Variants in PCBP3 observed in about 807,000 individuals in gnomAD.
PCBP3 encodes poly(rC)-binding protein 3.
Under a neutral mutation model 52.7 loss-of-function variants are expected in PCBP3, and 25 were observed. The ratio of observed to expected loss-of-function variants is 0.47; its 90% CI spans 0.35 to 0.66. The LOEUF is 0.66. PCBP3 is among the 30% of genes least tolerant of loss of function. The pLI is 0.01. For synonymous variants in PCBP3, 162 were observed against 183.0 expected (o/e 0.89, Z 0.93); for missense variants, 391 against 490.3 (o/e 0.80, Z 1.91).
intron 10 of PCBP3, among the ~76,000 whole-genome samples, chr21:45,909,963 CCCA>C (rs2096323222): frequency 1.3e-5 from 1 of 79,736 alleles, no homozygotes; most frequent in Non-Finnish European, 2.5e-5. Flanking sequence ...TACGGACCCC[CCCA>C]CACACACTTC....
Position 45,930,816 on chromosome 21 carries a change from A to G in PCBP3, c.827A>G (p.Glu276Gly), listed in dbSNP as rs943502924. Residue 276 changes from glutamate to glycine, a missense_variant, in exon 15 of 18, where the codon GAA becomes GGA. By Grantham distance (98) the Glu-to-Gly change is moderately conservative. Transcript: ENST00000681687. ...AAGCTGCCTTTACACTCCTCCGAAG[A>G]AGCTCAAAATCTGATGGGCCAGTCA... Reference protein sequence around the residue: ...GEKLPLHSSEEAQNLMGQSSG... With the variant: ...GEKLPLHSSEGAQNLMGQSSG... 1.9e-6 allele frequency: 3 copies of G among 1,569,202 alleles called. No individual in the cohort carries two copies. The highest frequency in any genetic ancestry group is 2.6e-6 in the Non-Finnish European group (3 of 1,139,396).
chr21:45,755,231 C>G (rs1401881060), intron 3 of PCBP3, among the ~76,000 whole-genome samples, 186 bp from the exon 4 acceptor site: 1 of 152,144 alleles, frequency 6.6e-6, no homozygotes, highest in Non-Finnish European at 1.5e-5. Context: ...TATCCCTTGC[C>G]CATGATACTT....
Position 45,824,805 on chromosome 21 carries a change from A to G in PCBP3, c.-125-25156A>G, listed in dbSNP as rs139166000. On this transcript the variant is annotated intron_variant, in intron 4 of 17. Transcript: ENST00000681687. ...CGCTGCTTTGCTGGCTGATGTCTACAAGGACATAGATGGCCTGCATCTGGC... is the reference window on the plus strand; with the variant it reads ...CGCTGCTTTGCTGGCTGATGTCTACGAGGACATAGATGGCCTGCATCTGGC... 6.6e-3 allele frequency among the ~76,000 whole-genome samples: 1,005 copies of G among 152,334 alleles called. 5 individuals are homozygous for G. Among genetic ancestry groups the G allele is most frequent in the South Asian group, 0.021 (101 of 4,830 alleles).
intron 2 of PCBP3, among the ~76,000 whole-genome samples, chr21:45,700,034 A>G (rs992827880): frequency 1.8e-4 from 28 of 152,196 alleles, no homozygotes; most frequent in Non-Finnish European, 3.8e-4. Flanking sequence ...CAAAAGTCTC[A>G]TCTGTCAGGT....
chr21:45,855,736 T>C (rs934381440), intron 5 of PCBP3, among the ~76,000 whole-genome samples: 13 of 152,336 alleles, frequency 8.5e-5, no homozygotes, highest in East Asian at 7.7e-4. Context: ...AAGTGCCCGA[T>C]GGCCTGAGGG....
intron 4 of PCBP3, among the ~76,000 whole-genome samples, chr21:45,778,898 G>C (rs1449109133): frequency 6.6e-6 from 1 of 152,158 alleles, no homozygotes; most frequent in African/African-American, 2.4e-5. Flanking sequence ...ACTGATCCCT[G>C]CCACTGGAGC....
At chr21:45,645,910 G>T (rs1244279825) in intron 1 of PCBP3, among the ~76,000 whole-genome samples, 1 of 152,176 alleles carries the variant, frequency 6.6e-6, no homozygotes, top group African/African-American at 2.4e-5. Context: ...TCATGTATTG[G>T]AATTGCCCCA....
chr21:45,728,642 ATAT>A, intron 2 of PCBP3: 1 of 152,054 alleles, frequency 6.6e-6, no homozygotes, highest in Non-Finnish European at 1.5e-5. Context: ...TAAGAAATTG[ATAT>A]TATTTCTTCC....
In PCBP3 at chr21:45,805,653, A is replaced by C. The variant is rs1411106153; in HGVS notation, c.-125-44308A>C. 1.3e-5 allele frequency among the ~76,000 whole-genome samples: 2 copies of C among 152,142 alleles called. No individual in the cohort carries two copies. The highest frequency in any genetic ancestry group is 2.4e-5 in the African/African-American group (1 of 41,426). On this transcript the variant is annotated intron_variant, in intron 4 of 17. Coordinates refer to ENST00000681687, the MANE Select transcript of PCBP3 (RefSeq NM_001384156.1). This position sits in a 1 kb window ranked among gnomAD's most constrained non-coding sequence, Gnocchi z 4.6. ...CAACAGTTGGGGCAAGCACATTTTC[A>C]CAGGGAGAGTGTGACTGGAAGGACC...
At chr21:45,670,940 T>C (rs2081132131) in intron 2 of PCBP3, among the ~76,000 whole-genome samples, 1 of 152,156 alleles carries the variant, frequency 6.6e-6, no homozygotes. Flanking sequence ...GGCATCCTTA[T>C]CCTCTAGGCC....
chr21:45,759,037 C>T (rs1384620676), intron 4 of PCBP3, among the ~76,000 whole-genome samples: 1 of 152,068 alleles, frequency 6.6e-6, no homozygotes, highest in Non-Finnish European at 1.5e-5. Flanking sequence ...CAAGTTAAAT[C>T]CTACTAAGTT....
intron 9 of PCBP3, 153 bp downstream of exon 9, chr21:45,901,266 G>A (rs1482681912): frequency 4.6e-6 from 3 of 646,248 alleles, no homozygotes; most frequent in Admixed American, 4.5e-5. Flanking sequence ...GCCTCCCAGG[G>A]CCTCTCCGCA....
chr21:45,844,144 G>A (rs952240029), intron 4 of PCBP3, among the ~76,000 whole-genome samples: 1 of 151,890 alleles, frequency 6.6e-6, no homozygotes, highest in Non-Finnish European at 1.5e-5. Flanking sequence ...GTCTGGTTGC[G>A]GACAAGGCCG....
intron 2 of PCBP3, among the ~76,000 whole-genome samples, chr21:45,681,968 C>G (rs1236255366): frequency 1.3e-5 from 2 of 151,906 alleles, no homozygotes; most frequent in Non-Finnish European, 2.9e-5. Flanking sequence ...AACAAAGGCT[C>G]AGAAATCTGG....
intron 4 of PCBP3, among the ~76,000 whole-genome samples, chr21:45,780,498 C>T (rs2090559451): frequency 2.0e-5 from 3 of 152,150 alleles, no homozygotes. Flanking sequence ...ACGAGGTGTC[C>T]CTTTCACGTG....
At chr21:45,861,711 G>A (rs2094517590) in intron 5 of PCBP3, among the ~76,000 whole-genome samples, 1 of 152,164 alleles carries the variant, frequency 6.6e-6, no homozygotes, top group African/African-American at 2.4e-5. Context: ...GGACTGGATG[G>A]CGCCAGCTGG....
At chr21:45,645,739 T>C (rs1053819618) in intron 1 of PCBP3, among the ~76,000 whole-genome samples, 2 of 152,240 alleles carry the variant, frequency 1.3e-5, no homozygotes, top group African/African-American at 4.8e-5. Context: ...GTTTTGATTA[T>C]TTCAGTTCCT....
At chr21:45,841,182 C>T (rs373087320) in intron 4 of PCBP3, among the ~76,000 whole-genome samples, 3 of 152,294 alleles carry the variant, frequency 2.0e-5, no homozygotes, top group East Asian at 3.9e-4. Context: ...AACGTATTCT[C>T]GTCATTAACG....
At chr21:45,901,566 G>A in intron 9 of PCBP3, 1 of 203,514 alleles carries the variant, frequency 4.9e-6, no homozygotes. Flanking sequence ...TGGGGCCCCC[G>A]TGACAGCTGA....
Sources: gnomAD v4.1 joint callset for allele counts (sites outside exome capture counted in the v4.1 genomes callset) on GRCh38, gnomAD v4.1.1 for gene constraint, Gnocchi (gnomAD v3.1) non-coding constraint, MANE v1.5 for transcripts, NCBI Gene and HGNC (gene_info 2026-07-23, HGNC 2026-07-21) for gene names.